Variants in HNF1A observed in about 807,000 individuals in gnomAD.
HNF1A encodes hepatocyte nuclear factor 1-alpha.
HNF1A carries 21 observed loss-of-function variants against 62.2 expected under a neutral mutation model. The observed-to-expected ratio is 0.34, with a 90% CI of 0.24 to 0.49. The LOEUF is 0.49. Ranked by LOEUF, HNF1A falls within the 20% of genes least tolerant of loss-of-function variation. The probability of loss-of-function intolerance (pLI) is 0.99; values close to 1 mark genes in which losing one functional copy is unlikely to be tolerated. For missense variants in HNF1A, 687 were observed against 832.3 expected, an observed-to-expected ratio of 0.83 and a Z score of 2.15; for synonymous variants, 374 against 366.8, an observed-to-expected ratio of 1.02 and a Z score of -0.22.
At chr12:120,982,466 G>GCGGC (rs369937778) in intron 1 of HNF1A, among the ~76,000 whole-genome samples, 6 of 151,630 alleles carry the variant, frequency 4.0e-5, no homozygotes, top group Non-Finnish European at 7.4e-5. Context: ...CAGGAGGGGG[G>GCGGC]GGGGACAGAG....
chr12:120,979,738 C>T (rs75784509), intron 1 of HNF1A: 2 of 146,484 alleles, frequency 1.4e-5, no homozygotes, highest in African/African-American at 5.0e-5. Flanking sequence ...TGGCGGACTC[C>T]CCGTCTCCTG....
Position 120,999,587 on chromosome 12 carries a change from G to C in HNF1A, c.1728G>C (p.Gln576His). 1.2e-6 allele frequency: 2 copies of C among 1,612,200 alleles called. No homozygotes were observed. Among genetic ancestry groups the C allele is most frequent in the Non-Finnish European group, 1.7e-6 (2 of 1,179,700 alleles). ...HVPSQDPASI[Q>H]HLQPAHRLSA... Reference sequence around the variant, plus strand: ...CCAGCCAGGACCCTGCCAGCATCCAGCACCTGCAGCCGGCCCACCGGCTCA... The same window carrying C: ...CCAGCCAGGACCCTGCCAGCATCCACCACCTGCAGCCGGCCCACCGGCTCA... Residue 576 changes from glutamine (Q) to histidine (H), a missense_variant, in exon 9 of 10, where the codon CAG (glutamine) becomes CAC (histidine). Transcript: ENST00000257555.
chr12:120,988,252 T>TC (rs1876619113), intron 1 of HNF1A, among the ~76,000 whole-genome samples: 1 of 125,582 alleles, frequency 8.0e-6, no homozygotes, highest in Non-Finnish European at 1.7e-5. Flanking sequence ...CATCCATCCA[T>TC]CATCCATCCA....
rs1011840727 is a variant in HNF1A at position 121,001,316 on chromosome 12, C to T, written c.*124C>T. 13 of 1,189,946 alleles carry T rather than the reference C, an allele frequency of 1.1e-5. No homozygotes were observed. The highest frequency in any genetic ancestry group is 2.7e-5 in the South Asian group (2 of 73,800). 73.7% of individuals were successfully genotyped at this position (1,189,946 alleles called of 1,614,324 possible). A position where few individuals can be genotyped will look rare whatever the true frequency, so the allele number is the denominator to read the frequency against. On this transcript the variant is annotated 3_prime_UTR_variant, in exon 10 of 10. Coordinates refer to ENST00000257555, the MANE Select transcript of HNF1A (RefSeq NM_000545.8). ...TGGCCCTTCCTGGACAGCTGTGCCT[C>T]GCTCCCCACTCTGCTCTGATGCATC...
At chr12:120,990,873 A>T (rs1442887589) in intron 2 of HNF1A, among the ~76,000 whole-genome samples, 2 of 152,200 alleles carry the variant, frequency 1.3e-5, no homozygotes, top group Non-Finnish European at 2.9e-5. Context: ...TGCATATAGT[A>T]GCAATAGATA....
chr12:120,985,942 G>A (rs959085697), intron 1 of HNF1A, among the ~76,000 whole-genome samples: 1 of 151,376 alleles, frequency 6.6e-6, no homozygotes, highest in Non-Finnish European at 1.5e-5. Flanking sequence ...CTGAGCTCGC[G>A]CCACTGCACT....
At chr12:120,982,466 G>GTGGC (rs369937778) in intron 1 of HNF1A, among the ~76,000 whole-genome samples, 3 of 151,630 alleles carry the variant, frequency 2.0e-5, no homozygotes, top group Admixed American at 1.3e-4. Context: ...CAGGAGGGGG[G>GTGGC]GGGGACAGAG....
At chr12:120,982,466 G>GGGGGC (rs1876305625) in intron 1 of HNF1A, among the ~76,000 whole-genome samples, 1 of 151,628 alleles carries the variant, frequency 6.6e-6, no homozygotes, top group African/African-American at 2.4e-5. Context: ...CAGGAGGGGG[G>GGGGGC]GGGGACAGAG....
chr12:120,981,289 G>A (rs919989777), intron 1 of HNF1A, among the ~76,000 whole-genome samples: 1 of 152,210 alleles, frequency 6.6e-6, no homozygotes. Flanking sequence ...AGAAGCCGGG[G>A]TGGGTCCTGG....
chr12:120,996,759 G>A lies in HNF1A; in HGVS notation c.1309+17G>A, dbSNP rs369365985. ...TGGTCATCGGTAAGCTGGTGGGGAT[G>A]GGTGGGCACCTGGGTGGGAGGCTCA... On this transcript the variant is annotated intron_variant, in intron 6 of 9. Transcript: ENST00000257555. The surrounding 1 kb of genome is among the most constrained non-coding windows in gnomAD (Gnocchi z 4.5). 6.2e-7 allele frequency: 1 copy of A among 1,613,424 alleles called. No homozygotes were observed. The highest frequency in any genetic ancestry group is 1.3e-5 in the African/African-American group (1 of 74,910).
chr12:120,980,725 G>C (rs1236715766), intron 1 of HNF1A: 1 of 152,286 alleles, frequency 6.6e-6, no homozygotes, highest in Admixed American at 6.6e-5. Context: ...AGCATTTGAA[G>C]GGGAAGCAGA....
intron 1 of HNF1A, among the ~76,000 whole-genome samples, chr12:120,981,989 G>A (rs1377891193): frequency 1.3e-5 from 2 of 152,190 alleles, no homozygotes; most frequent in Non-Finnish European, 2.9e-5. Context: ...GAGAAACTGG[G>A]ACCCAGAGTT....
intron 2 of HNF1A, among the ~76,000 whole-genome samples, chr12:120,990,791 A>C (rs1174764644): frequency 1.3e-5 from 2 of 152,134 alleles, no homozygotes; most frequent in African/African-American, 4.8e-5. Flanking sequence ...TTATAAGAAA[A>C]ATTAGATGCC....
rs765037128 is a variant in HNF1A, at chr12:120,978,747, G to C, written c.-22G>C. On this transcript the variant is annotated 5_prime_UTR_variant, in exon 1 of 10. Transcript: ENST00000257555. ...GGCTAGCGTGGTGGACCCGGGCCGC[G>C]TGGCCCTGTGGCAGCCGAGCCATGG... The C allele has an allele frequency of 1.2e-6, 2 of 1,611,262 alleles. No individual in the cohort carries two copies. The highest frequency in any genetic ancestry group is 3.3e-5 in the Admixed American group (2 of 60,012).
chr12:120,983,268 G>T (rs1469062357), intron 1 of HNF1A, among the ~76,000 whole-genome samples: 4 of 152,184 alleles, frequency 2.6e-5, no homozygotes, highest in African/African-American at 9.7e-5. Context: ...AGATGATGAT[G>T]ATGACAATAT....
Position 121,001,145 on chromosome 12 carries a change from G to C in HNF1A, c.1849G>C (p.Val617Leu), listed in dbSNP as rs146855738. ...CCACCTGCTGCCATCCAACCACAGC[G>C]TCATCGAGACCTTCATCTCCACCCA... is the stretch of plus-strand genomic sequence containing the variant. ...QSHLLPSNHSVIETFISTQMA... is the reference protein window; with the variant it reads ...QSHLLPSNHSLIETFISTQMA... Residue 617 changes from valine (V) to leucine (L), a missense_variant, in exon 10 of 10, where the codon GTC (valine) becomes CTC (leucine). By Grantham distance (32) the Val-to-Leu change is conservative. Transcript: ENST00000257555. 1 of 1,614,086 alleles carries C rather than the reference G, an allele frequency of 6.2e-7. No individual in the cohort carries two copies. Among genetic ancestry groups the C allele is most frequent in the Non-Finnish European group, 8.5e-7 (1 of 1,180,008 alleles).
chr12:120,998,376 A>C (rs1027501309), intron 7 of HNF1A: 2 of 156,996 alleles, frequency 1.3e-5, no homozygotes, highest in African/African-American at 2.4e-5. Context: ...CTGTGATCAA[A>C]GCACTGCTAT....
intron 7 of HNF1A, 177 bp downstream of exon 7, chr12:120,997,842 G>A (rs962800660): frequency 1.3e-6 from 1 of 750,196 alleles, no homozygotes; most frequent in Non-Finnish European, 2.4e-6. Flanking sequence ...GCACGTATCT[G>A]TGTGTGTGCA....
rs970766228 is a variant in HNF1A, at chr12:120,978,582, C to T, written c.-187C>T. ...CAGAACAGGCAGGGGCCCTGATTCA[C>T]GGGCCGCTGGGGCCAGGGTTGGGGG... is the stretch of plus-strand genomic sequence containing the variant. On this transcript the variant is annotated 5_prime_UTR_variant, in exon 1 of 10. The change creates a new upstream start codon in the 5' untranslated region. Coordinates refer to ENST00000257555, the MANE Select transcript of HNF1A (RefSeq NM_000545.8). The T allele has an allele frequency of 6.2e-6, 4 of 650,100 alleles. No individual in the cohort carries two copies. The highest frequency in any genetic ancestry group is 3.6e-5 in the African/African-American group (2 of 55,576). 40.3% of individuals were successfully genotyped at this position (650,100 alleles called of 1,614,324 possible). A position where few individuals can be genotyped will look rare whatever the true frequency, so the allele number is the denominator to read the frequency against.
Sources: gnomAD v4.1 joint callset for allele counts (sites outside exome capture counted in the v4.1 genomes callset) on GRCh38, gnomAD v4.1.1 for gene constraint, Gnocchi (gnomAD v3.1) non-coding constraint, MANE v1.5 for transcripts, NCBI Gene and HGNC (gene_info 2026-07-23, HGNC 2026-07-21) for gene names.